The following IGFALS variants were observed in gnomAD, a reference collection of about 807,000 sequenced individuals.
IGFALS encodes insulin like growth factor binding protein acid labile subunit, also known as insulin-like growth factor-binding protein complex acid labile subunit.
A neutral mutation model predicts 2.6 loss-of-function variants in IGFALS; 2 were observed. The ratio of observed to expected loss-of-function variants is 0.77; its 90% confidence interval spans 0.32 to 2.44. The LOEUF (loss-of-function observed/expected upper bound fraction) is 2.44, where lower values mean the gene tolerates loss of function less well. Ranked by LOEUF, IGFALS falls within the 30% of genes most tolerant of loss-of-function variation. The pLI, the probability that IGFALS is intolerant of heterozygous loss-of-function variation, is 0.11. For missense variants in IGFALS, 996 were observed against 848.7 expected (o/e 1.17, Z -2.16); for synonymous variants, 519 against 431.9 (o/e 1.20, Z -2.50).
chr16:1,794,785 T>C, upstream of IGFALS: 1 of 696,950 alleles, frequency 1.4e-6, no homozygotes, highest in Non-Finnish European at 2.6e-6. Flanking sequence ...CAGCCAGGGC[T>C]CGGGGAGACC....
At chr16:1,794,875 GC>G, upstream of IGFALS, 1 of 702,276 alleles carries the variant, frequency 1.4e-6, no homozygotes, top group Non-Finnish European at 2.6e-6. Context: ...GAAGCCGCCG[GC>G]CCACTGTCAT....
Position 1,791,675 on chromosome 16 carries a change from TAG to T in IGFALS, c.741_742del (p.Tyr248ProfsTer83), listed in dbSNP as rs745419473. ...GGCAGCGATGAGGTTGCGGTCCAGG[TAG>T]AGTTTCTGGAGCCGGGGCAGCTGCA... On this transcript the variant is annotated frameshift_variant, in exon 2 of 2. Coordinates refer to ENST00000215539, the MANE Select transcript of IGFALS (RefSeq NM_004970.3). LOFTEE classifies it low-confidence loss of function (END_TRUNC). 2.7e-5 allele frequency: 42 copies of T among 1,582,436 alleles called. No individual in the cohort carries two copies. Among genetic ancestry groups the T allele is most frequent in the Non-Finnish European group, 3.2e-5 (37 of 1,167,866 alleles).
At position 1,792,087 on chromosome 16, in the gene IGFALS, C is replaced by A; in HGVS notation, c.331G>T (p.Gly111Cys). Residue 111 changes from glycine to cysteine, a missense_variant, in exon 2 of 2, where the codon GGC becomes TGC. Coordinates refer to ENST00000215539, the MANE Select transcript of IGFALS (RefSeq NM_004970.3). ...GFLNLQGGQL[G>C]SLEPQALLGL... The stretch of plus-strand genomic sequence containing the variant: ...AGCAGCGCCTGTGGCTCCAGGCTGC[C>A]CAGCTGGCCGCCCTGCAGGTTGAGG... 1 of 1,610,028 alleles carries A rather than the reference C, an allele frequency of 6.2e-7. No individual in the cohort carries two copies. Among genetic ancestry groups the A allele is most frequent in the Non-Finnish European group, 8.5e-7 (1 of 1,179,200 alleles).
At position 1,791,374 on chromosome 16, in the gene IGFALS, GTTGTGGTCTAGCGTGA is replaced by G; in HGVS notation, c.1028_1043del (p.Leu343ProfsTer20). 5.0e-6 allele frequency: 8 copies of G among 1,609,674 alleles called. No homozygotes were observed. Among genetic ancestry groups the G allele is most frequent in the Non-Finnish European group, 6.8e-6 (8 of 1,179,956 alleles). On this transcript the variant is annotated frameshift_variant, in exon 2 of 2. Transcript: ENST00000215539. LOFTEE classifies it low-confidence loss of function (END_TRUNC). ...CGCCCGCCTTGACCTCCTGGAGCTG[GTTGTGGTCTAGCGTGA>G]GCACCTCAAGCTGCCCCAGGCCCTC... is the stretch of plus-strand genomic sequence containing the variant.
At chr16:1,793,389 C>T (rs1897273676) in intron 1 of IGFALS, among the ~76,000 whole-genome samples, 1 of 152,130 alleles carries the variant, frequency 6.6e-6, no homozygotes, top group South Asian at 2.1e-4. Context: ...GCCCTCCTCC[C>T]CTGTGCCGCC....
chr16:1,791,962 G>A lies in IGFALS; in HGVS notation c.456C>T (p.Gly152=). 6.3e-7 allele frequency: 1 copy of A among 1,597,786 alleles called. No individual in the cohort carries two copies. Among genetic ancestry groups the A allele is most frequent in the African/African-American group, 1.3e-5 (1 of 74,858 alleles). Residue 152 remains glycine, a synonymous_variant, in exon 2 of 2, where the codon GGC becomes GGT. Coordinates refer to ENST00000215539, the MANE Select transcript of IGFALS (RefSeq NM_004970.3). ...FAHTPALASL[G]LSNNRLSRLE... ...GCCTGCTCAGACGGTTGTTGCTGAG[G>A]CCGAGCGAGGCCAGCGCGGGCGTGT...
At chr16:1,794,624 C>T (rs960783535), upstream of IGFALS, among the ~76,000 whole-genome samples, 4 of 152,208 alleles carry the variant, frequency 2.6e-5, no homozygotes, top group Non-Finnish European at 5.9e-5. Context: ...CCCAACCAGT[C>T]GCTCTCTCCC....
Position 1,791,771 on chromosome 16 carries a change from C to G in IGFALS, c.647G>C (p.Gly216Ala). Residue 216 changes from glycine (G) to alanine (A), a missense_variant, in exon 2 of 2, where the codon GGC (glycine) becomes GCC (alanine). Gly to Ala is a moderately conservative substitution (Grantham distance 60). Transcript: ENST00000215539. ...GTCCAGCTCCCGGAGCTCGGCCAGGCCGCTGAAGAGCGCGGGCTGCAGGTA... is the reference window on the plus strand; with the variant it reads ...GTCCAGCTCCCGGAGCTCGGCCAGGGCGCTGAAGAGCGCGGGCTGCAGGTA... ...LAYLQPALFSGLAELRELDLS... is the reference protein window; with the variant it reads ...LAYLQPALFSALAELRELDLS... 1 of 1,549,310 alleles carries G rather than the reference C, an allele frequency of 6.5e-7. No individual in the cohort carries two copies. Among genetic ancestry groups the G allele is most frequent in the Non-Finnish European group, 8.7e-7 (1 of 1,151,042 alleles).
Position 1,791,746 on chromosome 16 carries a change from G to C in IGFALS, c.672C>G (p.Asp224Glu), listed in dbSNP as rs560275468. 14 of 1,552,164 alleles carry C rather than the reference G, an allele frequency of 9.0e-6. No homozygotes were observed. In the South Asian group the frequency reaches 1.6e-4, roughly 18 times the overall value. Residue 224 changes from aspartate to glutamate, a missense_variant, in exon 2 of 2, where the codon GAC becomes GAG. By Grantham distance (45) the Asp-to-Glu change is conservative (BLOSUM62 2). Coordinates refer to ENST00000215539, the MANE Select transcript of IGFALS (RefSeq NM_004970.3). ...TGGCCCGCAGCGCGTTCCTGCTCAG[G>C]TCCAGCTCCCGGAGCTCGGCCAGGC... ...FSGLAELREL[D>E]LSRNALRAIK... is the part of the protein sequence containing the mutation.
intron 1 of IGFALS, 102 bp from the exon 2 acceptor site, chr16:1,792,503 T>C: frequency 7.0e-7 from 1 of 1,437,692 alleles, no homozygotes; most frequent in Non-Finnish European, 9.1e-7. Context: ...GAACTGAGGC[T>C]CGAGGTCACC....
At position 1,791,445 on chromosome 16, in the gene IGFALS, G is replaced by A. The variant is rs367952733; in HGVS notation, c.973C>T (p.Arg325Cys). The A allele has an allele frequency of 8.7e-5, 140 of 1,612,272 alleles. No individual in the cohort carries two copies. In the East Asian group the frequency reaches 1.6e-3, roughly 18 times the overall value. ...FLEELQLGHN[R>C]IRQLAERSFE... ...CTGCGCTCAGCCAGCTGCCGGATGC[G>A]GTTGTGGCCCAGCTGCAGCTCCTCC... The change falls in exon 2 of 2, where the codon CGC becomes TGC. Residue 325 changes from arginine to cysteine, a missense_variant. Transcript: ENST00000215539.
intron 1 of IGFALS, 100 bp downstream of exon 1, chr16:1,793,537 C>T (rs1424452333): frequency 2.5e-6 from 3 of 1,203,004 alleles, no homozygotes; most frequent in Non-Finnish European, 1.2e-6. Context: ...GCTGAGCCCC[C>T]CAGAGCTTCC....
At chr16:1,794,778 C>G, upstream of IGFALS, 1 of 692,028 alleles carries the variant, frequency 1.4e-6, no homozygotes, top group South Asian at 1.5e-5. Context: ...GGGGGCACAG[C>G]CAGGGCTCGG....
upstream of IGFALS, chr16:1,793,872 A>T (rs34360825): frequency 7.0e-6 from 3 of 429,276 alleles, no homozygotes. Context: ...AGGGAGCTTC[A>T]GTCGGGGCCC....
In IGFALS at chr16:1,790,756, G is replaced by A. The variant is rs770760966; in HGVS notation, c.1662C>T (p.Asn554=). ...GGACGAAGCGGGGCACAGCACTGGG[G>A]TTCTGCAGGGCGAAGTCCCGCAGCG... ...LKALRDFALQ[N]PSAVPRFVQA... Residue 554 remains asparagine (N), a synonymous_variant, in exon 2 of 2, where the codon AAC becomes AAT. Transcript: ENST00000215539. 2.5e-6 allele frequency: 4 copies of A among 1,599,828 alleles called. No individual in the cohort carries two copies. The highest frequency in any genetic ancestry group is 2.3e-5 in the South Asian group (2 of 88,852).
chr16:1,793,105 C>G (rs866806084), intron 1 of IGFALS, among the ~76,000 whole-genome samples: 1 of 152,210 alleles, frequency 6.6e-6, no homozygotes, highest in Non-Finnish European at 1.5e-5. Flanking sequence ...ACTGTATGGC[C>G]CCCCCATCCT....
chr16:1,790,907 G>A lies in IGFALS; in HGVS notation c.1511C>T (p.Pro504Leu), dbSNP rs375691432. 6.3e-7 allele frequency: 1 copy of A among 1,584,254 alleles called. No homozygotes were observed. Among genetic ancestry groups the A allele is most frequent in the Admixed American group, 1.8e-5 (1 of 56,550 alleles). The stretch of plus-strand genomic sequence containing the variant: ...GCTGAGGTAGCGCAGCCGCCCCAGT[G>A]GTGCCAAGAGGCTGTTGGGCAATGC... ...LEALPNSLLA[P>L]LGRLRYLSLR... is the part of the protein sequence containing the mutation. Residue 504 changes from proline (P) to leucine (L), a missense_variant, in exon 2 of 2, where the codon CCA (proline) becomes CTA (leucine). By Grantham distance (98) the Pro-to-Leu change is moderately conservative (BLOSUM62 -3). Coordinates refer to ENST00000215539, the MANE Select transcript of IGFALS (RefSeq NM_004970.3).
Position 1,790,849 on chromosome 16 carries a change from C to T in IGFALS, c.1569G>A (p.Pro523=), listed in dbSNP as rs760061243. ...LRNNSLRTFT[P]QPPGLERLWL... is the part of the protein sequence containing the mutation. ...ACAGGCGCTCCAGGCCCGGGGGCTG[C>T]GGCGTGAAGGTCCGCAGTGAGTTGT... The change falls in exon 2 of 2, where the codon CCG becomes CCA. Residue 523 remains proline, a synonymous_variant. Transcript: ENST00000215539. 2.6e-5 allele frequency: 40 copies of T among 1,565,974 alleles called. No homozygotes were observed. The Middle Eastern group carries it at 6.8e-4, about 26-fold the overall frequency.
rs766271066 is a variant in IGFALS at position 1,791,716 on chromosome 16, C to T, written c.702G>A (p.Lys234=). ...GGGGCAGCTGCACGAACACGTTTGC[C>T]TTGATGGCCCGCAGCGCGTTCCTGC... ...DLSRNALRAI[K]ANVFVQLPRL... is the part of the protein sequence containing the mutation. The change falls in exon 2 of 2, where the codon AAG becomes AAA. Residue 234 remains lysine, a synonymous_variant. Transcript: ENST00000215539. 2 of 1,563,954 alleles carry T rather than the reference C, an allele frequency of 1.3e-6. No individual in the cohort carries two copies. The highest frequency in any genetic ancestry group is 1.4e-5 in the African/African-American group (1 of 73,898).
Sources: gnomAD v4.1 joint callset for allele counts (sites outside exome capture counted in the v4.1 genomes callset) on GRCh38, gnomAD v4.1.1 for gene constraint, MANE v1.5 for transcripts, NCBI Gene and HGNC (gene_info 2026-07-23, HGNC 2026-07-21) for gene names.